GGT5: variants seen among roughly 807,000 people sequenced by gnomAD.
GGT5 encodes the protein gamma-glutamyltransferase 5, also known as glutathione hydrolase 5 proenzyme.
GGT5 carries 50 observed loss-of-function variants against 58.1 expected under a neutral mutation model. The observed-to-expected ratio is 0.86, with a 90% CI of 0.69 to 1.09. The LOEUF (loss-of-function observed/expected upper bound fraction) is 1.09, where lower values mean the gene tolerates loss of function less well. Among genes scored for constraint, GGT5 ranks in the 50% least tolerant of loss-of-function variants. The pLI is 0.00. For missense variants in GGT5, 800 were observed against 789.4 expected, an observed-to-expected ratio of 1.01 and a Z score of -0.16; for synonymous variants, 370 against 346.1, an observed-to-expected ratio of 1.07 and a Z score of -0.77.
Position 24,244,317 on chromosome 22 carries a change from C to CACA in GGT5, c.173+235_173+236insTGT, listed in dbSNP as rs1491335433. ...CGTGCACACACACACACACACACAC[C>CACA]CACCCACACATACACATACCCACAC... On this transcript the variant is annotated intron_variant, in intron 1 of 11. Coordinates refer to ENST00000327365, the MANE Select transcript of GGT5 (RefSeq NM_004121.5). 9.0e-3 allele frequency: 3,046 copies of CACA among 339,912 alleles called. 19 individuals are homozygous for CACA. The highest frequency in any genetic ancestry group is 0.037 in the African/African-American group (1,497 of 40,928). The allele number at this position is 339,912 out of a possible 1,614,324, so 21.1% of individuals were successfully genotyped here. A position where few individuals can be genotyped will look rare whatever the true frequency, so the allele number is the denominator to read the frequency against.
chr22:24,224,090 C>T (rs1360752562), intron 11 of GGT5, among the ~76,000 whole-genome samples: 1 of 151,824 alleles, frequency 6.6e-6, no homozygotes, highest in Non-Finnish European at 1.5e-5. Flanking sequence ...TAGGTCCTAA[C>T]AAAGGGCATC....
At position 24,238,902 on chromosome 22, in the gene GGT5, TA is replaced by T. The variant is rs61361608; in HGVS notation, c.174-4899del. On this transcript the variant is annotated intron_variant, in intron 1 of 11. Transcript: ENST00000327365. ...ATATATTATATATTTTATATATATA[TA>T]TATTATATATATTATATATATAATA... Among the ~76,000 whole-genome samples, 37 of 13,678 alleles carry T rather than the reference TA, an allele frequency of 2.7e-3. 2 individuals carry two copies. The highest frequency in any genetic ancestry group is 7.7e-3 in the South Asian group (4 of 518). The allele number at this position is 13,678 out of a possible 152,430, so 9.0% of individuals were successfully genotyped here.
chr22:24,226,871 C>G, intron 6 of GGT5, 104 bp from the exon 7 acceptor site: 1 of 912,840 alleles, frequency 1.1e-6, no homozygotes, highest in South Asian at 1.5e-5. Flanking sequence ...ATCCTAATTC[C>G]CAAAACCTGT....
rs549321932 is a variant in GGT5, at chr22:24,234,665, C to CA, written c.174-662dup. The stretch of plus-strand genomic sequence containing the variant: ...TGAAACCCCGTCTCTACTAAAAATA[C>CA]AAAAATTAGCTGAATGTGATGGCGG... On this transcript the variant is annotated intron_variant, in intron 1 of 11. Transcript: ENST00000327365. 8.4e-3 allele frequency among the ~76,000 whole-genome samples: 1,278 copies of CA among 152,174 alleles called. 15 individuals carry two copies. The highest frequency in any genetic ancestry group is 0.019 in the South Asian group (92 of 4,824).
At position 24,244,772 on chromosome 22, in the gene GGT5, G is replaced by A; in HGVS notation, c.-47C>T. On this transcript the variant is annotated 5_prime_UTR_variant, in exon 1 of 12. Coordinates refer to ENST00000327365, the MANE Select transcript of GGT5 (RefSeq NM_004121.5). ...AGGGGCGGCTGGTGGGCAGACGGAG[G>A]GACGGATGGGTGGGCAGATGAATGG... 6.4e-7 allele frequency: 1 copy of A among 1,552,898 alleles called. No individual in the cohort carries two copies. Among genetic ancestry groups the A allele is most frequent in the South Asian group, 1.2e-5 (1 of 86,220 alleles).
At chr22:24,236,343 C>T (rs1016361385) in intron 1 of GGT5, among the ~76,000 whole-genome samples, 1 of 152,190 alleles carries the variant, frequency 6.6e-6, no homozygotes, top group African/African-American at 2.4e-5. Flanking sequence ...ACCAGTGACT[C>T]TGGATGCAGG....
At chr22:24,225,504 G>A (rs903488327) in intron 9 of GGT5, 42 bp downstream of exon 9, 115 of 1,576,752 alleles carry the variant, frequency 7.3e-5, no homozygotes, top group Non-Finnish European at 9.7e-5. Flanking sequence ...CTCCCCTGGT[G>A]GGGGGCCCTT....
intron 10 of GGT5, 50 bp downstream of exon 10, chr22:24,225,195 C>G (rs1264933519): frequency 6.3e-7 from 1 of 1,597,590 alleles, no homozygotes. Flanking sequence ...GACAGTCAGA[C>G]AGTATGCTGC....
rs894230207 is a variant in GGT5, at chr22:24,219,668, G to A, written c.*302C>T. 4 of 326,810 alleles carry A rather than the reference G, an allele frequency of 1.2e-5. No homozygotes were observed. The highest frequency in any genetic ancestry group is 4.7e-5 in the South Asian group (1 of 21,500). The allele number at this position is 326,810 out of a possible 1,614,324, so 20.2% of individuals were successfully genotyped here. On this transcript the variant is annotated 3_prime_UTR_variant, in exon 12 of 12. Coordinates refer to ENST00000327365, the MANE Select transcript of GGT5 (RefSeq NM_004121.5). ...GAACCATGGAATCAGGCCACAGTCC[G>A]CCTCTTTAATCTTGGACTGGAGGAT...
intron 1 of GGT5, among the ~76,000 whole-genome samples, chr22:24,238,884 ATATATT>A (rs2048224855): frequency 6.6e-4 from 7 of 10,662 alleles, no homozygotes; most frequent in African/African-American, 3.8e-3. Context: ...AATATATATT[ATATATT>A]TTATATATAT....
rs185463128 is a variant in GGT5, at chr22:24,227,906, A to G, written c.902-1139T>C. On this transcript the variant is annotated intron_variant, in intron 6 of 11. Transcript: ENST00000327365. ...CTCTACAAAAATACAAAAATTATCC[A>G]GGCATGATGGTGGGTGCCTGTAACC... Among the ~76,000 whole-genome samples the G allele has an allele frequency of 1.4e-3, 218 of 151,958 alleles. 2 individuals are homozygous for G. Among genetic ancestry groups the G allele is most frequent in the South Asian group, 0.01 (50 of 4,788 alleles).
At chr22:24,243,613 A>C (rs1569377924) in intron 1 of GGT5, 1 of 152,376 alleles carries the variant, frequency 6.6e-6, no homozygotes, top group Non-Finnish European at 1.5e-5. Flanking sequence ...GGTGGCTGGC[A>C]GGGAGGGGAG....
chr22:24,220,518 G>A, intron 11 of GGT5: 1 of 459,500 alleles, frequency 2.2e-6, no homozygotes, highest in South Asian at 1.5e-5. Context: ...TTGGGAGGCT[G>A]AGGAAGGAGG....
In GGT5 at chr22:24,225,572, CG is replaced by C; in HGVS notation, c.1309del (p.Arg437GlyfsTer10). On this transcript the variant is annotated frameshift_variant, in exon 9 of 12. Transcript: ENST00000327365. LOFTEE classifies it high-confidence loss of function. ...ELLDLCERCP[R>X]GSGTTPSPVS... ...AGGTGAGGGGGTGGTGCCGGAACCCCGGGGGCATCGCTCGCATAAGTCCAGG... is the reference window on the plus strand; with the variant it reads ...AGGTGAGGGGGTGGTGCCGGAACCCCGGGGCATCGCTCGCATAAGTCCAGG... The C allele has an allele frequency of 1.2e-6, 2 of 1,612,648 alleles. No individual in the cohort carries two copies. The highest frequency in any genetic ancestry group is 1.7e-6 in the Non-Finnish European group (2 of 1,178,746).
Position 24,225,268 on chromosome 22 carries a change from G to A in GGT5, c.1480C>T (p.Leu494Phe). The A allele has an allele frequency of 2.5e-6, 4 of 1,613,456 alleles. No individual in the cohort carries two copies. Among genetic ancestry groups the A allele is most frequent in the Non-Finnish European group, 3.4e-6 (4 of 1,179,964 alleles). Residue 494 changes from leucine to phenylalanine, a missense_variant, in exon 10 of 12, where the codon CTC (leucine) becomes TTC (phenylalanine). Physicochemically the swap from Leu to Phe is conservative, Grantham distance 22. Coordinates refer to ENST00000327365, the MANE Select transcript of GGT5 (RefSeq NM_004121.5). Reference protein sequence around the residue: ...KLVIGGAGGELIISAVAQAIM... With the variant: ...KLVIGGAGGEFIISAVAQAIM... ...ACCTGGGCCACAGCAGAGATGATGA[G>A]CTCCCCGCCAGCCCCGCCAATCACT...
At chr22:24,241,818 C>A (rs367995428) in intron 1 of GGT5, 1 of 101,608 alleles carries the variant, frequency 9.8e-6, no homozygotes, top group Non-Finnish European at 2.0e-5. Context: ...TTCTTTCTTT[C>A]TTTTTTTTTT....
In GGT5 at chr22:24,219,945, C is replaced by T; in HGVS notation, c.*25G>A. ...ACACAGGACTCATGGTGGGGCCAGA[C>T]TTCAGCTCTGGGCAGAGCAGTGTCT... is the stretch of plus-strand genomic sequence containing the variant. On this transcript the variant is annotated 3_prime_UTR_variant, in exon 12 of 12. Coordinates refer to ENST00000327365, the MANE Select transcript of GGT5 (RefSeq NM_004121.5). 3.1e-6 allele frequency: 5 copies of T among 1,612,164 alleles called. No individual in the cohort carries two copies. The highest frequency in any genetic ancestry group is 4.2e-6 in the Non-Finnish European group (5 of 1,178,586).
chr22:24,222,351 T>A lies in GGT5; in HGVS notation c.1615-2235A>T, dbSNP rs371453839. ...GTCTTTGGAGCCCTGCACGTTTGGC[T>A]ATGAGTTCCCCATGCCTGACCTACT... On this transcript the variant is annotated intron_variant, in intron 11 of 11. Transcript: ENST00000327365. Among the ~76,000 whole-genome samples the A allele has an allele frequency of 8.7e-4, 132 of 152,282 alleles. 3 individuals are homozygous for A. The South Asian group carries it at 0.027, about 31-fold the overall frequency.
At position 24,238,888 on chromosome 22, in the gene GGT5, ATTTT is replaced by A. The variant is rs1569372172; in HGVS notation, c.174-4888_174-4885del. ...ATAATATATATAATATATATTATAT[ATTTT>A]ATATATATATATATTATATATATTA... On this transcript the variant is annotated intron_variant, in intron 1 of 11. Coordinates refer to ENST00000327365, the MANE Select transcript of GGT5 (RefSeq NM_004121.5). Among the ~76,000 whole-genome samples, 49 of 14,630 alleles carry A rather than the reference ATTTT, an allele frequency of 3.3e-3. 6 individuals carry two copies. Among genetic ancestry groups the A allele is most frequent in the Non-Finnish European group, 4.4e-3 (35 of 8,014 alleles). 9.6% of individuals were successfully genotyped at this position (14,630 alleles called of 152,430 possible).
Sources: gnomAD v4.1 joint callset for allele counts (sites outside exome capture counted in the v4.1 genomes callset) on GRCh38, gnomAD v4.1.1 for gene constraint, MANE v1.5 for transcripts, NCBI Gene and HGNC (gene_info 2026-07-23, HGNC 2026-07-21) for gene names.